The following KHDRBS2 variants were observed in gnomAD, a reference collection of about 807,000 sequenced individuals.
KHDRBS2 encodes KH domain-containing, RNA-binding, signal transduction-associated protein 2.
In KHDRBS2, 26 loss-of-function variants were observed where a neutral mutation model predicts 44.3. The ratio of observed to expected loss-of-function variants is 0.59; its 90% CI spans 0.43 to 0.81. KHDRBS2 has a LOEUF of 0.81. KHDRBS2 is among the 40% of genes least tolerant of loss of function. KHDRBS2 has a pLI of 0.00. For synonymous variants in KHDRBS2, 194 were observed against 151.1 expected (o/e 1.28, Z -2.08); for missense variants, 476 against 433.1 (o/e 1.10, Z -0.88).
At chr6:62,265,461 C>T (rs1226383316) in intron 1 of KHDRBS2, among the ~76,000 whole-genome samples, 1 of 151,678 alleles carries the variant, frequency 6.6e-6, no homozygotes, top group Non-Finnish European at 1.5e-5. Context: ...TGAGACATAT[C>T]ATTAGTAGTG....
In KHDRBS2 at chr6:62,118,467, G is replaced by A. The variant is rs151164846; in HGVS notation, c.219+58718C>T. On this transcript the variant is annotated intron_variant, in intron 2 of 8. Coordinates refer to ENST00000281156, the MANE Select transcript of KHDRBS2 (RefSeq NM_152688.4). ...TTGATGTTTTGTTAGGAATTTCACC[G>A]AATCTGTAGATCACTTTAGGTAACA... Among the ~76,000 whole-genome samples, 362 of 152,144 alleles carry A rather than the reference G, an allele frequency of 2.4e-3. 1 individual carries two copies. Among genetic ancestry groups the A allele is most frequent in the African/African-American group, 7.8e-3 (323 of 41,522 alleles).
At chr6:61,849,686 C>A (rs1435750400) in intron 6 of KHDRBS2, among the ~76,000 whole-genome samples, 1 of 151,014 alleles carries the variant, frequency 6.6e-6, no homozygotes, top group African/African-American at 2.4e-5. Context: ...AAGGAGCTTT[C>A]CATGAGATTC....
intron 2 of KHDRBS2, among the ~76,000 whole-genome samples, chr6:62,123,282 T>C (rs1272485748): frequency 6.6e-6 from 1 of 152,236 alleles, no homozygotes; most frequent in Non-Finnish European, 1.5e-5. Context: ...CCACATTTTC[T>C]TAATCCAGTC....
At chr6:61,689,877 A>T (rs1767205911) in intron 8 of KHDRBS2, among the ~76,000 whole-genome samples, 3 of 151,986 alleles carry the variant, frequency 2.0e-5, no homozygotes, top group Admixed American at 2.0e-4. Flanking sequence ...ATATACAGAT[A>T]TACATAGATA....
chr6:61,660,847 G>C, the KHDRBS2 span, among the ~76,000 whole-genome samples: 3 of 151,840 alleles, frequency 2.0e-5, no homozygotes, highest in African/African-American at 7.2e-5. Flanking sequence ...GCTCGATAAA[G>C]AGCCATCATG....
intron 5 of KHDRBS2, 101 bp downstream of exon 5, chr6:61,901,143 G>A (rs1803935637): frequency 2.7e-6 from 3 of 1,091,698 alleles, no homozygotes; most frequent in Middle Eastern, 2.2e-4. Flanking sequence ...TAGTGATTGT[G>A]GCTGATGTTG....
chr6:61,549,372 A>T, the KHDRBS2 span, among the ~76,000 whole-genome samples: 1 of 152,206 alleles, frequency 6.6e-6, no homozygotes, highest in Non-Finnish European at 1.5e-5. Flanking sequence ...ACATTTATTT[A>T]TATGATTATT....
chr6:61,953,659 T>A (rs1435570447), intron 4 of KHDRBS2, among the ~76,000 whole-genome samples: 1 of 152,084 alleles, frequency 6.6e-6, no homozygotes, highest in Non-Finnish European at 1.5e-5. Flanking sequence ...TTCATATTCA[T>A]GAAATTCATT....
At chr6:61,795,835 T>C (rs1300351697) in intron 6 of KHDRBS2, among the ~76,000 whole-genome samples, 2 of 152,196 alleles carry the variant, frequency 1.3e-5, no homozygotes, top group Non-Finnish European at 2.9e-5. Flanking sequence ...TAATTTTCAG[T>C]ACACTTGATT....
chr6:61,544,080 T>C, the KHDRBS2 span, among the ~76,000 whole-genome samples: 4 of 152,048 alleles, frequency 2.6e-5, no homozygotes, highest in African/African-American at 7.2e-5. Context: ...ACAATTCAAG[T>C]GTACATTTAA....
intron 5 of KHDRBS2, 110 bp from the exon 6 acceptor site, chr6:61,894,943 TTCTC>T (rs548634361): frequency 5.2e-5 from 29 of 559,370 alleles, no homozygotes; most frequent in Non-Finnish European, 6.6e-5. Context: ...AAATACAAAT[TTCTC>T]TCTCTCTCTC....
chr6:61,838,307 G>A (rs1793044743), intron 6 of KHDRBS2, among the ~76,000 whole-genome samples: 1 of 151,892 alleles, frequency 6.6e-6, no homozygotes, highest in Non-Finnish European at 1.5e-5. Context: ...CATTAATAAA[G>A]TTACATTTAT....
chr6:62,181,880 A>G (rs1822386121), intron 1 of KHDRBS2, among the ~76,000 whole-genome samples: 1 of 152,022 alleles, frequency 6.6e-6, no homozygotes, highest in Admixed American at 6.6e-5. Context: ...GTAAGGAGAC[A>G]GCTACATGGC....
chr6:61,760,044 A>T (rs1357978713), intron 6 of KHDRBS2, among the ~76,000 whole-genome samples: 1 of 152,174 alleles, frequency 6.6e-6, no homozygotes, highest in Non-Finnish European at 1.5e-5. Flanking sequence ...AATAACATGC[A>T]TTTACATTAA....
At chr6:61,696,594 A>T (rs1277984805) in intron 8 of KHDRBS2, among the ~76,000 whole-genome samples, 2 of 152,116 alleles carry the variant, frequency 1.3e-5, no homozygotes, top group African/African-American at 2.4e-5. Flanking sequence ...TATGTCTCAA[A>T]CATGATGTAC....
chr6:62,276,979 A>T (rs544056401), intron 1 of KHDRBS2, among the ~76,000 whole-genome samples: 29 of 152,306 alleles, frequency 1.9e-4, no homozygotes, highest in South Asian at 6.2e-4. Context: ...ATAACTACAC[A>T]ATAAGGTTGG....
intron 4 of KHDRBS2, among the ~76,000 whole-genome samples, chr6:61,954,127 A>C (rs1324123551): frequency 6.6e-6 from 1 of 152,104 alleles, no homozygotes; most frequent in South Asian, 2.1e-4. Flanking sequence ...AAGGCATAAC[A>C]CTGAGAAATA....
chr6:62,173,324 C>T (rs1820449654), intron 2 of KHDRBS2, among the ~76,000 whole-genome samples: 1 of 151,884 alleles, frequency 6.6e-6, no homozygotes, highest in Non-Finnish European at 1.5e-5. Context: ...CACACATATG[C>T]TAGAAAACTT....
chr6:62,017,428 T>C (rs1327919604), intron 3 of KHDRBS2, among the ~76,000 whole-genome samples: 1 of 152,102 alleles, frequency 6.6e-6, no homozygotes, highest in East Asian at 1.9e-4. Flanking sequence ...TTTTTAAAAA[T>C]CAATCCTCAA....
Sources: allele counts gnomAD v4.1 joint callset (sites outside exome capture counted in the v4.1 genomes callset), GRCh38; gene constraint gnomAD v4.1.1; transcripts MANE v1.5; gene names NCBI Gene and HGNC (gene_info 2026-07-23, HGNC 2026-07-21).